Variants in ASTN2 observed in about 807,000 individuals in gnomAD.
ASTN2 encodes astrotactin 2.
ASTN2 carries 54 observed loss-of-function variants against 139.8 expected under a neutral mutation model. The observed-to-expected ratio is 0.39, with a 90% CI of 0.31 to 0.48. The LOEUF (loss-of-function observed/expected upper bound fraction) is 0.48, where lower values mean the gene tolerates loss of function less well. ASTN2 is among the 20% of genes least tolerant of loss of function. The probability of loss-of-function intolerance (pLI) is 0.95; values close to 1 mark genes in which losing one functional copy is unlikely to be tolerated. For synonymous variants in ASTN2, 756 were observed against 719.5 expected, an observed-to-expected ratio of 1.05 and a Z score of -0.81; for missense variants, 1,565 against 1,725.1, an observed-to-expected ratio of 0.91 and a Z score of 1.64.
intron 16 of ASTN2, among the ~76,000 whole-genome samples, chr9:116,719,081 C>T (rs974129612): frequency 6.0e-5 from 9 of 149,752 alleles, no homozygotes; most frequent in South Asian, 2.1e-4. Flanking sequence ...TCAGGGCTGC[C>T]GTGTGGTTAG....
At chr9:116,665,915 C>T (rs558806269) in intron 16 of ASTN2, among the ~76,000 whole-genome samples, 1 of 152,208 alleles carries the variant, frequency 6.6e-6, no homozygotes, top group South Asian at 2.1e-4. Flanking sequence ...CTGGAGACTG[C>T]TAGGAGACAA....
intron 4 of ASTN2, among the ~76,000 whole-genome samples, chr9:117,103,444 C>T (rs1166650435): frequency 6.6e-6 from 1 of 152,146 alleles, no homozygotes; most frequent in African/African-American, 2.4e-5. Context: ...TGGGGCTAAT[C>T]AGGGCATCTG....
chr9:117,139,553 C>T (rs1830025611), intron 4 of ASTN2, among the ~76,000 whole-genome samples: 1 of 152,172 alleles, frequency 6.6e-6, no homozygotes, highest in Non-Finnish European at 1.5e-5. Context: ...GACAGCTTAA[C>T]ATGTAGAGCT....
At chr9:116,578,629 T>C (rs1370358605) in intron 19 of ASTN2, among the ~76,000 whole-genome samples, 2,407 of 97,764 alleles carry the variant, frequency 0.025, 69 homozygotes, top group African/African-American at 0.11. Context: ...CGTGTGTGTG[T>C]GTGTGTGTGT....
chr9:116,789,518 T>C (rs776296132), intron 13 of ASTN2, among the ~76,000 whole-genome samples: 1 of 152,220 alleles, frequency 6.6e-6, no homozygotes, highest in Non-Finnish European at 1.5e-5. Flanking sequence ...GTAGTGATGT[T>C]ACATAAAACC....
chr9:117,242,985 G>GTCA (rs994765436), intron 2 of ASTN2, among the ~76,000 whole-genome samples: 28 of 152,248 alleles, frequency 1.8e-4, no homozygotes, highest in African/African-American at 6.3e-4. Flanking sequence ...CATCGCCATC[G>GTCA]TCATCATCAT....
chr9:116,893,123 C>T (rs1833803216), intron 10 of ASTN2, among the ~76,000 whole-genome samples: 1 of 151,630 alleles, frequency 6.6e-6, no homozygotes, highest in African/African-American at 2.4e-5. Context: ...ATCTGTTTTA[C>T]TCATTGAAGT....
intron 4 of ASTN2, among the ~76,000 whole-genome samples, chr9:117,120,181 A>T (rs1036547335): frequency 6.6e-6 from 1 of 151,134 alleles, no homozygotes; most frequent in African/African-American, 2.4e-5. Flanking sequence ...TCATTGGAAA[A>T]CTTTGTCATA....
chr9:116,643,976 C>T (rs1857466757), intron 17 of ASTN2, among the ~76,000 whole-genome samples: 1 of 152,176 alleles, frequency 6.6e-6, no homozygotes, highest in African/African-American at 2.4e-5. Flanking sequence ...TTGTTCCTCT[C>T]TATAGCACAT....
chr9:117,092,060 G>A (rs999488956), intron 5 of ASTN2, among the ~76,000 whole-genome samples: 1 of 152,122 alleles, frequency 6.6e-6, no homozygotes, highest in African/African-American at 2.4e-5. Flanking sequence ...ACCCTGTGAA[G>A]GAGATGTAGT....
intron 1 of ASTN2, among the ~76,000 whole-genome samples, chr9:117,322,517 C>A (rs1454038888): frequency 6.6e-6 from 1 of 152,202 alleles, no homozygotes; most frequent in African/African-American, 2.4e-5. Flanking sequence ...ATCACACAGG[C>A]AGCAAATGGC....
At chr9:116,807,260 A>G (rs999422704) in intron 12 of ASTN2, among the ~76,000 whole-genome samples, 5 of 152,314 alleles carry the variant, frequency 3.3e-5, no homozygotes, top group African/African-American at 1.2e-4. Flanking sequence ...TTGGAAAGAA[A>G]ATGTACACAG....
At position 116,605,055 on chromosome 9, in the gene ASTN2, GAC is replaced by G. The variant is rs1169412188; in HGVS notation, c.3355+13267_3355+13268del. On this transcript the variant is annotated intron_variant, in intron 19 of 22. Transcript: ENST00000313400. ...GGAATAAAAAGAAGAGAGAGAGAGA[GAC>G]AGAGAGCCACCAAGGGAAGCCGACA... Among the ~76,000 whole-genome samples the G allele has an allele frequency of 2.0e-3, 302 of 150,250 alleles. 1 individual carries two copies. Among genetic ancestry groups the G allele is most frequent in the African/African-American group, 6.6e-3 (269 of 40,944 alleles).
chr9:117,147,221 T>A (rs1281466425), intron 3 of ASTN2, among the ~76,000 whole-genome samples: 4 of 152,090 alleles, frequency 2.6e-5, no homozygotes, highest in Admixed American at 6.6e-5. Context: ...AAACTGTATA[T>A]TTAAACTGTC....
Position 117,268,896 on chromosome 9 carries a change from TG to T in ASTN2, c.630+22429del, listed in dbSNP as rs573166110. The stretch of plus-strand genomic sequence containing the variant: ...GTCTAACAAAAAACTTGACACATGC[TG>T]AGCGGGTTGTTCAAGAAATATTAGT... On this transcript the variant is annotated intron_variant, in intron 2 of 22. Coordinates refer to ENST00000313400, the MANE Select transcript of ASTN2 (RefSeq NM_001365068.1). Among the ~76,000 whole-genome samples, 117 of 152,306 alleles carry T rather than the reference TG, an allele frequency of 7.7e-4. 1 individual carries two copies. Among genetic ancestry groups the T allele is most frequent in the African/African-American group, 2.8e-3 (115 of 41,572 alleles).
chr9:117,370,944 G>C (rs187714003), intron 1 of ASTN2, among the ~76,000 whole-genome samples: 1 of 152,148 alleles, frequency 6.6e-6, no homozygotes, highest in Non-Finnish European at 1.5e-5. Context: ...AACCCAGTTG[G>C]ATGTCCCTAC....
At chr9:116,747,418 A>C (rs1411776014) in intron 13 of ASTN2, among the ~76,000 whole-genome samples, 1 of 152,208 alleles carries the variant, frequency 6.6e-6, no homozygotes, top group African/African-American at 2.4e-5. Flanking sequence ...TGAATGTCTT[A>C]GATGGATGCC....
chr9:117,102,495 G>A (rs1278029065), intron 4 of ASTN2, among the ~76,000 whole-genome samples: 1 of 152,050 alleles, frequency 6.6e-6, no homozygotes, highest in Non-Finnish European at 1.5e-5. Flanking sequence ...TGTACTAAAT[G>A]CCACTGAATT....
intron 10 of ASTN2, among the ~76,000 whole-genome samples, chr9:116,885,962 G>A (rs922521722): frequency 5.9e-5 from 9 of 152,078 alleles, no homozygotes; most frequent in African/African-American, 2.2e-4. Context: ...AGGAAAATAT[G>A]AAAAAAATAG....
Sources: gnomAD v4.1 joint callset for allele counts (sites outside exome capture counted in the v4.1 genomes callset) on GRCh38, gnomAD v4.1.1 for gene constraint, MANE v1.5 for transcripts, NCBI Gene and HGNC (gene_info 2026-07-23, HGNC 2026-07-21) for gene names.